Variants in QSOX1 observed in about 807,000 individuals in gnomAD.
QSOX1 encodes the protein sulfhydryl oxidase 1.
In QSOX1, 40 loss-of-function variants were observed where a neutral mutation model predicts 76.1. The observed-to-expected ratio is 0.53, with a 90% confidence interval of 0.41 to 0.68. The LOEUF is 0.68. QSOX1 is among the 30% of genes least tolerant of loss of function. The pLI is 0.00. For missense variants in QSOX1, 931 were observed against 974.3 expected (o/e 0.96, Z 0.59); for synonymous variants, 392 against 413.1 (o/e 0.95, Z 0.62).
intron 5 of QSOX1, among the ~76,000 whole-genome samples, chr1:180,179,839 A>G (rs1662986548): frequency 6.6e-6 from 1 of 152,266 alleles, no homozygotes. Flanking sequence ...GAGGAGGCAC[A>G]GGGGTTGGGG....
intron 1 of QSOX1, among the ~76,000 whole-genome samples, chr1:180,164,348 C>T (rs1212592037): frequency 3.9e-5 from 6 of 152,172 alleles, no homozygotes; most frequent in African/African-American, 9.7e-5. Context: ...GGATGTAGCT[C>T]ACCTCACTCT....
chr1:180,168,763 G>A (rs1158437355), intron 2 of QSOX1, among the ~76,000 whole-genome samples: 1 of 152,128 alleles, frequency 6.6e-6, no homozygotes, highest in African/African-American at 2.4e-5. Flanking sequence ...TACTCAAACA[G>A]ATTCCAATAT....
At chr1:180,169,519 G>T (rs1167512671) in intron 2 of QSOX1, among the ~76,000 whole-genome samples, 1 of 152,220 alleles carries the variant, frequency 6.6e-6, no homozygotes, top group East Asian at 1.9e-4. Flanking sequence ...TGTAAACATG[G>T]GATGATAACA....
chr1:180,194,408 C>T lies in QSOX1; in HGVS notation c.1468+16C>T. 1.3e-6 allele frequency: 2 copies of T among 1,518,454 alleles called. No individual in the cohort carries two copies. Among genetic ancestry groups the T allele is most frequent in the Non-Finnish European group, 1.8e-6 (2 of 1,125,892 alleles). The allele number at this position is 1,518,454 out of a possible 1,614,324, so 94.1% of individuals were successfully genotyped here. On this transcript the variant is annotated intron_variant, in intron 11 of 11. Coordinates refer to ENST00000367602, the MANE Select transcript of QSOX1 (RefSeq NM_002826.5). ...CGCCTTGCAGGTAAGGAAGGACCATCCCCAAGGCTGGAGTCACTTGTGGGG... is the reference window on the plus strand; with the variant it reads ...CGCCTTGCAGGTAAGGAAGGACCATTCCCAAGGCTGGAGTCACTTGTGGGG...
At chr1:180,156,131 C>G (rs371821211) in intron 1 of QSOX1, among the ~76,000 whole-genome samples, 1 of 152,184 alleles carries the variant, frequency 6.6e-6, no homozygotes, top group Non-Finnish European at 1.5e-5. Flanking sequence ...TTAATATTTA[C>G]GGAGCACCTA....
intron 5 of QSOX1, among the ~76,000 whole-genome samples, chr1:180,181,797 C>T (rs1663043186): frequency 6.6e-6 from 1 of 152,156 alleles, no homozygotes; most frequent in South Asian, 2.1e-4. Context: ...GTCTTAAAGA[C>T]AAGAACGTGC....
chr1:180,169,183 C>T (rs3820308), intron 2 of QSOX1, among the ~76,000 whole-genome samples: 97,630 of 152,190 alleles, frequency 0.64, 34,088 homozygotes, highest in East Asian at 0.77. Flanking sequence ...GAAACAAAGG[C>T]GTGGGAGAGG....
intron 5 of QSOX1, 72 bp downstream of exon 5, chr1:180,178,956 T>C: frequency 7.3e-7 from 1 of 1,373,830 alleles, no homozygotes; most frequent in Non-Finnish European, 1.0e-6. Flanking sequence ...GGAGCAGGGC[T>C]TTTCCTGCCA....
chr1:180,189,657 C>T lies in QSOX1; in HGVS notation c.1123C>T (p.Leu375=), dbSNP rs2149241467. Residue 375 remains leucine (L), a synonymous_variant, in exon 9 of 12, where the codon CTG becomes TTG. Coordinates refer to ENST00000367602, the MANE Select transcript of QSOX1 (RefSeq NM_002826.5). ...KIPYSFFKTA[L]DDRKEGAVLA... ...TCCCTACAGTTTCTTTAAAACTGCCCTGGACGACAGGAAAGAGGTGAGTCT... is the reference window on the plus strand; with the variant it reads ...TCCCTACAGTTTCTTTAAAACTGCCTTGGACGACAGGAAAGAGGTGAGTCT... The T allele has an allele frequency of 6.2e-7, 1 of 1,613,138 alleles. No individual in the cohort carries two copies. The highest frequency in any genetic ancestry group is 8.5e-7 in the Non-Finnish European group (1 of 1,179,374).
rs1572051334 is a variant in QSOX1, at chr1:180,186,172, T to C, written c.1007T>C (p.Val336Ala). The C allele has an allele frequency of 6.2e-7, 1 of 1,613,318 alleles. No homozygotes were observed. Among genetic ancestry groups the C allele is most frequent in the East Asian group, 2.2e-5 (1 of 44,884 alleles). ...GTGGCCCTGAAAAAGTTTGTGGCAG[T>C]GCTGGCCAAGGTGAGCAGGGCCATG... ...RLVALKKFVA[V>A]LAKYFPGRPL... Residue 336 changes from valine (V) to alanine (A), a missense_variant, in exon 8 of 12, where the codon GTG becomes GCG. Physicochemically the swap from Val to Ala is moderately conservative, Grantham distance 64 (BLOSUM62 0). Transcript: ENST00000367602.
At chr1:180,166,620 G>A in intron 2 of QSOX1, 29 bp downstream of exon 2, 1 of 1,592,998 alleles carries the variant, frequency 6.3e-7, no homozygotes. Context: ...GGGAAGGCAG[G>A]CTGGGCCTGC....
At position 180,194,210 on chromosome 1, in the gene QSOX1, T is replaced by C. The variant is rs1663398631; in HGVS notation, c.1289-3T>C. On this transcript the variant is annotated splice_region_variant and splice_polypyrimidine_tract_variant and intron_variant, in intron 10 of 11. Transcript: ENST00000367602. The stretch of plus-strand genomic sequence containing the variant: ...GGTGCGTGGCATCTCCTCTGCCCTG[T>C]AGCCAAGGCCAAGGAGGTCCTCCCA... 1.2e-6 allele frequency: 2 copies of C among 1,610,674 alleles called. No homozygotes were observed. Among genetic ancestry groups the C allele is most frequent in the Non-Finnish European group, 1.7e-6 (2 of 1,178,654 alleles).
intron 9 of QSOX1, among the ~76,000 whole-genome samples, 155 bp from the exon 10 acceptor site, chr1:180,190,278 T>C (rs1440449969): frequency 6.6e-6 from 1 of 152,246 alleles, no homozygotes; most frequent in Non-Finnish European, 1.5e-5. Flanking sequence ...TGCTGCTGCT[T>C]CAGTGGGTGG....
chr1:180,197,459 A>G lies in QSOX1; in HGVS notation c.*422A>G. ...TGGGTGGGCTGGAATGGAACTCCTCACTAGCTGCTGGGGCTCCGCCCACCC... is the reference window on the plus strand; with the variant it reads ...TGGGTGGGCTGGAATGGAACTCCTCGCTAGCTGCTGGGGCTCCGCCCACCC... On this transcript the variant is annotated 3_prime_UTR_variant, in exon 12 of 12. Coordinates refer to ENST00000367602, the MANE Select transcript of QSOX1 (RefSeq NM_002826.5). The G allele has an allele frequency of 1.4e-6, 2 of 1,466,032 alleles. No individual in the cohort carries two copies. The allele number at this position is 1,466,032 out of a possible 1,614,324, so 90.8% of individuals were successfully genotyped here. A position where few individuals can be genotyped will look rare whatever the true frequency, so the allele number is the denominator to read the frequency against.
rs1189111635 is a variant in QSOX1, at chr1:180,198,181, T to G, written c.*1144T>G. ...TGGCCACAGACTGCCCATAGAACTG[T>G]CTGCACCCAAACCCCATGGCCTTTT... is the stretch of plus-strand genomic sequence containing the variant. On this transcript the variant is annotated 3_prime_UTR_variant, in exon 12 of 12. Coordinates refer to ENST00000367602, the MANE Select transcript of QSOX1 (RefSeq NM_002826.5). 3 of 456,656 alleles carry G rather than the reference T, an allele frequency of 6.6e-6. No individual in the cohort carries two copies. The highest frequency in any genetic ancestry group is 1.3e-5 in the Non-Finnish European group (3 of 226,940). 28.3% of individuals were successfully genotyped at this position (456,656 alleles called of 1,614,324 possible). A position where few individuals can be genotyped will look rare whatever the true frequency, so the allele number is the denominator to read the frequency against.
chr1:180,157,476 C>A lies in QSOX1; in HGVS notation c.265+2304C>A, dbSNP rs1304821144. Among the ~76,000 whole-genome samples, 3 of 152,230 alleles carry A rather than the reference C, an allele frequency of 2.0e-5. No homozygotes were observed. The East Asian group carries it at 5.8e-4, about 29-fold the overall frequency. On this transcript the variant is annotated intron_variant, in intron 1 of 11. Coordinates refer to ENST00000367602, the MANE Select transcript of QSOX1 (RefSeq NM_002826.5). ...CATCCCACCCTGGGCTGTGTGAGTA[C>A]TGCCCATGCTCTCTGCTGAGGACAC...
At chr1:180,178,707 A>G in intron 4 of QSOX1, 87 bp from the exon 5 acceptor site, 1 of 1,204,958 alleles carries the variant, frequency 8.3e-7, no homozygotes, top group Non-Finnish European at 1.2e-6. Context: ...TACCTGCAGC[A>G]CTGCATCACC....
At chr1:180,193,796 A>G (rs1663385616) in intron 10 of QSOX1, among the ~76,000 whole-genome samples, 1 of 152,136 alleles carries the variant, frequency 6.6e-6, no homozygotes, top group African/African-American at 2.4e-5. Flanking sequence ...GAGGTGACGC[A>G]TGGTGGAAGC....
chr1:180,155,043 C>CA lies in QSOX1; in HGVS notation c.137dup (p.Ala47GlyfsTer57). 1 of 1,513,034 alleles carries CA rather than the reference C, an allele frequency of 6.6e-7. No homozygotes were observed. The highest frequency in any genetic ancestry group is 8.8e-7 in the Non-Finnish European group (1 of 1,137,866). 93.7% of individuals were successfully genotyped at this position (1,513,034 alleles called of 1,614,324 possible). A position where few individuals can be genotyped will look rare whatever the true frequency, so the allele number is the denominator to read the frequency against. On this transcript the variant is annotated frameshift_variant, in exon 1 of 12. Coordinates refer to ENST00000367602, the MANE Select transcript of QSOX1 (RefSeq NM_002826.5). LOFTEE classifies it high-confidence loss of function. ...GCCTTCCGACCCGCTGACGCTGCTG[C>CA]AGGCGGACACGGTGCGCGGCGCGGT...
Sources: allele counts gnomAD v4.1 joint callset (sites outside exome capture counted in the v4.1 genomes callset), GRCh38; gene constraint gnomAD v4.1.1; transcripts MANE v1.5; gene names NCBI Gene and HGNC (gene_info 2026-07-23, HGNC 2026-07-21).